Variants in RBBP8 observed in about 807,000 individuals in gnomAD.
RBBP8 encodes DNA endonuclease RBBP8.
In RBBP8, 88 loss-of-function variants were observed where a neutral mutation model predicts 108.3. The observed-to-expected ratio is 0.81, with a 90% confidence interval of 0.68 to 0.97. The LOEUF (loss-of-function observed/expected upper bound fraction) is 0.97, where lower values mean the gene tolerates loss of function less well. Among genes scored for constraint, RBBP8 ranks in the 50% least tolerant of loss-of-function variants. The pLI, the probability that RBBP8 is intolerant of heterozygous loss-of-function variation, is 0.00. For synonymous variants in RBBP8, 332 were observed against 348.2 expected, an observed-to-expected ratio of 0.95 and a Z score of 0.52; for missense variants, 1,023 against 1,049.0, an observed-to-expected ratio of 0.98 and a Z score of 0.34.
At chr18:22,921,541 G>A (rs919152326) in intron 3 of RBBP8, among the ~76,000 whole-genome samples, 1 of 152,186 alleles carries the variant, frequency 6.6e-6, no homozygotes, top group African/African-American at 2.4e-5. Context: ...GGCCCAAGAC[G>A]TGTCCGATAC....
rs866891468 is a variant in RBBP8 at position 22,993,455 on chromosome 18, G to A, written c.1628G>A (p.Cys543Tyr). The A allele has an allele frequency of 3.1e-6, 5 of 1,614,242 alleles. No homozygotes were observed. In the African/African-American group the frequency reaches 4.0e-5, roughly 13 times the overall value. The change falls in exon 11 of 19, where the codon TGC (cysteine) becomes TAC (tyrosine). Residue 543 changes from cysteine to tyrosine, a missense_variant. By Grantham distance (194) the Cys-to-Tyr change is radical (BLOSUM62 -2). Transcript: ENST00000327155. ...AGCCGTAAGGCCTCAGATGGCAACT[G>A]CACGTTGCCCAAAGATTCCCCAGGG... is the stretch of plus-strand genomic sequence containing the variant. ...SSSRKASDGN[C>Y]TLPKDSPGEP... is the part of the protein sequence containing the mutation.
intron 16 of RBBP8, among the ~76,000 whole-genome samples, chr18:23,008,893 C>T (rs1476687341): frequency 2.0e-5 from 3 of 150,838 alleles, no homozygotes; most frequent in Non-Finnish European, 4.4e-5. Context: ...CCTGCCTCAG[C>T]CTCCTGAGTA....
intron 10 of RBBP8, 36 bp from the exon 11 acceptor site, chr18:22,992,710 AAT>A: frequency 6.5e-7 from 1 of 1,527,436 alleles, no homozygotes; most frequent in Non-Finnish European, 9.1e-7. Context: ...CCTTACTATT[AAT>A]TCTGTATTAA....
chr18:22,962,926 C>T (rs139358885), intron 4 of RBBP8, among the ~76,000 whole-genome samples: 5 of 152,202 alleles, frequency 3.3e-5, no homozygotes, highest in Admixed American at 6.5e-5. Context: ...CCTTCTAATA[C>T]GCTATACAAC....
intron 6 of RBBP8, among the ~76,000 whole-genome samples, chr18:22,975,873 A>G (rs767171043): frequency 2.6e-5 from 4 of 152,010 alleles, no homozygotes; most frequent in Non-Finnish European, 5.9e-5. Flanking sequence ...TTTTCTTTCC[A>G]TTATCCAACA....
chr18:22,980,963 G>GTCTTTT (rs1914878100), intron 6 of RBBP8, among the ~76,000 whole-genome samples: 1 of 26,498 alleles, frequency 3.8e-5, no homozygotes, highest in Non-Finnish European at 8.8e-5. Flanking sequence ...AGCCACTTAT[G>GTCTTTT]TCTTTTTTTT....
rs757560355 is a variant in RBBP8, at chr18:22,982,379, C to G, written c.590C>G (p.Ser197Cys). ...IEQTHTKLEH[S>C]VCANEMRKVS... ...CAAACACATACTAAATTGGAGCACT[C>G]TGTGTGTGCAAATGGTAAGAGTTGG... The change falls in exon 7 of 19, where the codon TCT becomes TGT. Residue 197 changes from serine (S) to cysteine (C), a missense_variant. Physicochemically the swap from Ser to Cys is moderately radical, Grantham distance 112. Transcript: ENST00000327155. 1.2e-6 allele frequency: 2 copies of G among 1,613,928 alleles called. No individual in the cohort carries two copies. Among genetic ancestry groups the G allele is most frequent in the East Asian group, 4.5e-5 (2 of 44,888 alleles).
chr18:22,943,097 G>C (rs1911241291), intron 2 of RBBP8, among the ~76,000 whole-genome samples: 1 of 151,860 alleles, frequency 6.6e-6, no homozygotes, highest in African/African-American at 2.4e-5. Flanking sequence ...ATTCTAAAAA[G>C]AGAACATTAT....
intron 3 of RBBP8, among the ~76,000 whole-genome samples, chr18:22,949,042 A>G (rs902578934): frequency 2.0e-5 from 3 of 152,182 alleles, no homozygotes; most frequent in Non-Finnish European, 2.9e-5. Flanking sequence ...TCCGTATCCA[A>G]TACATACATT....
intron 12 of RBBP8, among the ~76,000 whole-genome samples, chr18:22,994,554 A>C (rs1423706463): frequency 6.7e-6 from 1 of 148,572 alleles, no homozygotes; most frequent in East Asian, 2.1e-4. Context: ...AGGCAGGAGA[A>C]TGGTGTGAAC....
At chr18:22,978,875 A>C (rs144209948) in intron 6 of RBBP8, among the ~76,000 whole-genome samples, 1 of 152,358 alleles carries the variant, frequency 6.6e-6, no homozygotes, top group African/African-American at 2.4e-5. Context: ...GTGAAGTGAT[A>C]GATGTTAATT....
At chr18:23,021,872 G>C (rs2046350840) in intron 17 of RBBP8, among the ~76,000 whole-genome samples, 4 of 151,240 alleles carry the variant, frequency 2.6e-5, no homozygotes, top group Admixed American at 2.6e-4. Context: ...CACTTTATTG[G>C]TTTACATTGT....
chr18:22,937,629 C>T (rs1435596714), intron 2 of RBBP8, among the ~76,000 whole-genome samples: 1 of 151,558 alleles, frequency 6.6e-6, no homozygotes, highest in Non-Finnish European at 1.5e-5. Context: ...TAGGCACACG[C>T]TGCCATGCCT....
intron 4 of RBBP8, among the ~76,000 whole-genome samples, chr18:22,964,416 A>G (rs1567964378): frequency 7.2e-6 from 1 of 138,238 alleles, no homozygotes; most frequent in Non-Finnish European, 1.6e-5. Context: ...GTAGTGGGCC[A>G]TGTTCTTGAT....
At chr18:22,988,694 T>C (rs1915489185) in intron 8 of RBBP8, among the ~76,000 whole-genome samples, 1 of 152,228 alleles carries the variant, frequency 6.6e-6, no homozygotes, top group Non-Finnish European at 1.5e-5. Context: ...ACTTTTTCTT[T>C]TCATCTACTG....
At chr18:22,981,265 C>T (rs1276322248) in intron 6 of RBBP8, among the ~76,000 whole-genome samples, 2 of 152,066 alleles carry the variant, frequency 1.3e-5, no homozygotes, top group Non-Finnish European at 2.9e-5. Context: ...CCACCGCGCC[C>T]GGCCCCAATT....
chr18:23,003,252 T>C (rs1287425180), intron 15 of RBBP8, among the ~76,000 whole-genome samples: 2 of 152,250 alleles, frequency 1.3e-5, no homozygotes, highest in African/African-American at 2.4e-5. Flanking sequence ...TGAGATACTT[T>C]TGCGTCTCTT....
At chr18:23,007,637 G>A (rs2046077924) in intron 16 of RBBP8, among the ~76,000 whole-genome samples, 1 of 147,510 alleles carries the variant, frequency 6.8e-6, no homozygotes, top group Admixed American at 6.8e-5. Context: ...GGTGGAGCTT[G>A]CAGTGTGCCG....
intron 15 of RBBP8, among the ~76,000 whole-genome samples, chr18:23,003,876 C>A (rs866387774): frequency 6.6e-6 from 1 of 151,536 alleles, no homozygotes; most frequent in South Asian, 2.1e-4. Context: ...GGCTAACACG[C>A]TGAAACCCCG....
Sources: gnomAD v4.1 joint callset for allele counts (sites outside exome capture counted in the v4.1 genomes callset) on GRCh38, gnomAD v4.1.1 for gene constraint, MANE v1.5 for transcripts, NCBI Gene and HGNC (gene_info 2026-07-23, HGNC 2026-07-21) for gene names.